Variants in ADGB observed in about 807,000 individuals in gnomAD.
ADGB encodes the protein calpain-7-like protein.
ADGB carries 172 observed loss-of-function variants against 210.5 expected under a neutral mutation model. The ratio of observed to expected loss-of-function variants is 0.82; its 90% CI spans 0.72 to 0.93. The LOEUF is 0.93. Among genes scored for constraint, ADGB ranks in the 40% least tolerant of loss-of-function variants. The pLI, the probability that ADGB is intolerant of heterozygous loss-of-function variation, is 0.00. For synonymous variants in ADGB, 658 were observed against 662.7 expected, an observed-to-expected ratio of 0.99 and a Z score of 0.11; for missense variants, 2,025 against 1,964.8, an observed-to-expected ratio of 1.03 and a Z score of -0.58.
At chr6:146,695,245 C>G (rs1776387128) in intron 12 of ADGB, among the ~76,000 whole-genome samples, 2 of 152,042 alleles carry the variant, frequency 1.3e-5, no homozygotes, top group African/African-American at 4.8e-5. Flanking sequence ...TTTATCAGTT[C>G]TTAATATTGT....
chr6:146,636,480 T>A (rs995378290), intron 2 of ADGB, among the ~76,000 whole-genome samples: 13 of 152,088 alleles, frequency 8.5e-5, no homozygotes, highest in Admixed American at 4.6e-4. Context: ...TTGTACCACA[T>A]CTAAAATGAT....
At chr6:146,775,260 T>A (rs1383768121) in intron 29 of ADGB, among the ~76,000 whole-genome samples, 2 of 152,040 alleles carry the variant, frequency 1.3e-5, no homozygotes, top group African/African-American at 4.8e-5. Context: ...ATTTGTGGGG[T>A]TTTTTTCAAA....
intron 22 of ADGB, 28 bp from the exon 23 acceptor site, chr6:146,736,470 C>A: frequency 2.2e-6 from 3 of 1,384,986 alleles, no homozygotes; most frequent in Non-Finnish European, 2.9e-6. Context: ...TAAAGCTTAA[C>A]GTTTTTATTA....
At chr6:146,789,643 T>A (rs544374353) in intron 33 of ADGB, among the ~76,000 whole-genome samples, 2 of 152,194 alleles carry the variant, frequency 1.3e-5, no homozygotes, top group Non-Finnish European at 2.9e-5. Flanking sequence ...TGAAAGTACA[T>A]GCCCATTCAA....
intron 12 of ADGB, among the ~76,000 whole-genome samples, chr6:146,697,217 T>C (rs890741489): frequency 6.6e-6 from 1 of 152,156 alleles, no homozygotes; most frequent in Non-Finnish European, 1.5e-5. Context: ...TTTTATTGAA[T>C]CAGAAGTGAC....
chr6:146,807,282 A>C, intron 35 of ADGB: 1 of 968,816 alleles, frequency 1.0e-6, no homozygotes, highest in Non-Finnish European at 1.5e-6. Flanking sequence ...TTCATCTTCA[A>C]TCATTTTGCC....
intron 1 of ADGB, among the ~76,000 whole-genome samples, chr6:146,617,876 G>C (rs1780827485): frequency 6.6e-6 from 1 of 151,964 alleles, no homozygotes; most frequent in Admixed American, 6.6e-5. Flanking sequence ...ATGGGGCTTA[G>C]AGCACCAACC....
chr6:146,734,238 C>T (rs2114588755), intron 22 of ADGB, among the ~76,000 whole-genome samples: 1 of 152,284 alleles, frequency 6.6e-6, no homozygotes, highest in Admixed American at 6.5e-5. Flanking sequence ...GCATCATAAG[C>T]ACACAATAAA....
chr6:146,655,780 AT>A (rs1249441036), intron 4 of ADGB, among the ~76,000 whole-genome samples: 2 of 152,114 alleles, frequency 1.3e-5, no homozygotes, highest in East Asian at 3.9e-4. Flanking sequence ...TCTACAATAA[AT>A]TTTCCAGATA....
intron 26 of ADGB, among the ~76,000 whole-genome samples, chr6:146,748,785 G>A (rs967988951): frequency 1.3e-5 from 2 of 152,028 alleles, no homozygotes; most frequent in Admixed American, 1.3e-4. Flanking sequence ...TTGCTATGTT[G>A]ACCAGGCTGG....
At chr6:146,610,724 C>A (rs1780696446) in intron 1 of ADGB, among the ~76,000 whole-genome samples, 1 of 152,040 alleles carries the variant, frequency 6.6e-6, no homozygotes, top group Admixed American at 6.6e-5. Flanking sequence ...TTGGAGGGGC[C>A]AAGATATTCC....
intron 35 of ADGB, among the ~76,000 whole-genome samples, chr6:146,810,034 A>G (rs576739459): frequency 6.6e-6 from 1 of 152,214 alleles, no homozygotes; most frequent in African/African-American, 2.4e-5. Flanking sequence ...AGAATGGGAG[A>G]AAATACTTGT....
At chr6:146,709,403 C>G (rs1235160529) in intron 13 of ADGB, among the ~76,000 whole-genome samples, 1 of 152,200 alleles carries the variant, frequency 6.6e-6, no homozygotes, top group African/African-American at 2.4e-5. Flanking sequence ...TCTAGAGATT[C>G]CTGGCAGGTT....
intron 1 of ADGB, among the ~76,000 whole-genome samples, chr6:146,627,270 CTGT>C (rs1419531189): frequency 3.9e-5 from 6 of 152,064 alleles, no homozygotes; most frequent in African/African-American, 1.4e-4. Context: ...TCAATTGTTT[CTGT>C]TGTTGTTGTT....
chr6:146,765,070 A>T (rs1777552141), intron 28 of ADGB, among the ~76,000 whole-genome samples: 1 of 152,152 alleles, frequency 6.6e-6, no homozygotes. Context: ...AAGAGCTGGG[A>T]TTACAGGTGC....
chr6:146,684,237 T>C (rs1289579021), intron 9 of ADGB, among the ~76,000 whole-genome samples: 2 of 152,116 alleles, frequency 1.3e-5, no homozygotes, highest in Non-Finnish European at 2.9e-5. Flanking sequence ...TTTAATCTTA[T>C]CTTCTTCCTT....
chr6:146,729,804 T>C (rs940564968), intron 20 of ADGB, among the ~76,000 whole-genome samples: 1 of 151,200 alleles, frequency 6.6e-6, no homozygotes, highest in Non-Finnish European at 1.5e-5. Flanking sequence ...AATTTGTCCT[T>C]TTCTTCTGGG....
rs1445532906 is a variant in ADGB at position 146,745,974 on chromosome 6, C to T, written c.3230C>T (p.Ala1077Val). 6.4e-7 allele frequency: 1 copy of T among 1,551,206 alleles called. No individual in the cohort carries two copies. Among genetic ancestry groups the T allele is most frequent in the East Asian group, 2.4e-5 (1 of 40,882 alleles). Residue 1077 changes from alanine to valine, a missense_variant, in exon 26 of 36, where the codon GCC (alanine) becomes GTC (valine). By Grantham distance (64) the Ala-to-Val change is moderately conservative. Coordinates refer to ENST00000397944, the MANE Select transcript of ADGB (RefSeq NM_024694.4). ...EAFTGDTYVA[A>V]SRWKLRLIGS... ...TTTACAGGCGACACATATGTAGCAG[C>T]CTCACGATGGAAACTGCGTCTCATC... is the stretch of plus-strand genomic sequence containing the variant.
chr6:146,688,135 C>T (rs1005917199), intron 10 of ADGB, among the ~76,000 whole-genome samples: 2 of 152,164 alleles, frequency 1.3e-5, no homozygotes, highest in African/African-American at 4.8e-5. Context: ...GTTCTCTCCA[C>T]AAAGCTTAGA....
Sources: gnomAD v4.1 joint callset for allele counts (sites outside exome capture counted in the v4.1 genomes callset) on GRCh38, gnomAD v4.1.1 for gene constraint, MANE v1.5 for transcripts, NCBI Gene and HGNC (gene_info 2026-07-23, HGNC 2026-07-21) for gene names.